The following NHLRC2 variants were observed in gnomAD, a reference collection of about 807,000 sequenced individuals.
NHLRC2 encodes NHL repeat-containing protein 2.
Under a neutral mutation model 68.1 loss-of-function variants are expected in NHLRC2, and 33 were observed. The observed-to-expected ratio is 0.48, with a 90% CI of 0.37 to 0.65. NHLRC2 has a LOEUF of 0.65. Ranked by LOEUF, NHLRC2 falls within the 30% of genes least tolerant of loss-of-function variation. The probability of loss-of-function intolerance (pLI) is 0.00; values close to 1 mark genes in which losing one functional copy is unlikely to be tolerated. For synonymous variants in NHLRC2, 311 were observed against 309.6 expected (o/e 1.00, Z -0.05); for missense variants, 761 against 853.8 (o/e 0.89, Z 1.35).
chr10:113,893,223 C>T (rs559322012), intron 5 of NHLRC2, among the ~76,000 whole-genome samples: 16 of 152,178 alleles, frequency 1.1e-4, no homozygotes, highest in Non-Finnish European at 2.2e-4. Flanking sequence ...GACAGAAATG[C>T]ACTTGAGTAC....
At chr10:113,873,018 A>T (rs1038227809) in intron 2 of NHLRC2, among the ~76,000 whole-genome samples, 3 of 152,214 alleles carry the variant, frequency 2.0e-5, no homozygotes, top group African/African-American at 7.2e-5. Flanking sequence ...TAAAATTATT[A>T]TACTTTAAAC....
chr10:113,896,279 A>G (rs544647105), intron 5 of NHLRC2, among the ~76,000 whole-genome samples: 4 of 152,222 alleles, frequency 2.6e-5, no homozygotes, highest in South Asian at 2.1e-4. Context: ...ATGTCCAACA[A>G]TGATAGACTG....
chr10:113,886,401 A>G (rs1343770209), intron 5 of NHLRC2, among the ~76,000 whole-genome samples: 1 of 152,178 alleles, frequency 6.6e-6, no homozygotes, highest in Non-Finnish European at 1.5e-5. Flanking sequence ...TAAAATGTGT[A>G]TGGAACTAGA....
chr10:113,880,674 G>A, intron 4 of NHLRC2, among the ~76,000 whole-genome samples: 1 of 151,744 alleles, frequency 6.6e-6, no homozygotes, highest in African/African-American at 2.4e-5. Context: ...AATATCCACT[G>A]TACTGTAAGT....
chr10:113,857,535 C>T lies in NHLRC2; in HGVS notation c.179-993C>T, dbSNP rs966419774. 3.9e-5 allele frequency among the ~76,000 whole-genome samples: 6 copies of T among 152,132 alleles called. No homozygotes were observed. In the South Asian group the frequency reaches 8.3e-4, roughly 21 times the overall value. ...TAGCTGTTACTGTTTACTTCTTCCTCCCAAGTTTGGCTTTCAGTTGCTAAA... is the reference window on the plus strand; with the variant it reads ...TAGCTGTTACTGTTTACTTCTTCCTTCCAAGTTTGGCTTTCAGTTGCTAAA... On this transcript the variant is annotated intron_variant, in intron 1 of 10. Transcript: ENST00000369301.
intron 10 of NHLRC2, 68 bp from the exon 11 acceptor site, chr10:113,908,212 C>A: frequency 8.2e-7 from 1 of 1,219,736 alleles, no homozygotes; most frequent in Non-Finnish European, 1.2e-6. Context: ...TTTATCTAGT[C>A]TTCATAAGAT....
intron 2 of NHLRC2, among the ~76,000 whole-genome samples, chr10:113,859,866 A>G (rs563061885): frequency 2.0e-5 from 3 of 152,352 alleles, no homozygotes; most frequent in East Asian, 1.9e-4. Context: ...GAAGGAGACA[A>G]TTGAGCTAGA....
At chr10:113,857,744 T>C (rs1442853730) in intron 1 of NHLRC2, among the ~76,000 whole-genome samples, 1 of 152,154 alleles carries the variant, frequency 6.6e-6, no homozygotes, top group Non-Finnish European at 1.5e-5. Context: ...GGGAACACGT[T>C]CTTCATTAAT....
At chr10:113,894,404 A>G (rs918750694) in intron 5 of NHLRC2, among the ~76,000 whole-genome samples, 12 of 152,082 alleles carry the variant, frequency 7.9e-5, no homozygotes, top group African/African-American at 2.7e-4. Context: ...TTTCTTGTAT[A>G]TTTGCTGCTG....
chr10:113,866,166 A>G (rs2134694292), intron 2 of NHLRC2, among the ~76,000 whole-genome samples: 1 of 152,384 alleles, frequency 6.6e-6, no homozygotes, highest in Middle Eastern at 3.4e-3. Flanking sequence ...TGCCACTTTC[A>G]CAGTCGCAAA....
At chr10:113,901,928 C>A (rs7923423) in intron 7 of NHLRC2, 31 bp downstream of exon 7, 2 of 1,401,398 alleles carry the variant, frequency 1.4e-6, no homozygotes, top group South Asian at 1.2e-5. Flanking sequence ...ACAGTGCGCT[C>A]GGACACTGAG....
At chr10:113,857,865 C>T (rs556008870) in intron 1 of NHLRC2, among the ~76,000 whole-genome samples, 178 of 152,180 alleles carry the variant, frequency 1.2e-3, no homozygotes, top group Non-Finnish European at 2.1e-3. Flanking sequence ...CAGAATATTT[C>T]AGTTTCTTCT....
chr10:113,900,668 A>G (rs1846219723), intron 6 of NHLRC2, among the ~76,000 whole-genome samples: 1 of 152,196 alleles, frequency 6.6e-6, no homozygotes, highest in Non-Finnish European at 1.5e-5. Context: ...ACTCCTTTCA[A>G]TTAATTTGTT....
At chr10:113,863,395 A>C (rs1164906140) in intron 2 of NHLRC2, among the ~76,000 whole-genome samples, 3 of 152,218 alleles carry the variant, frequency 2.0e-5, no homozygotes, top group East Asian at 3.8e-4. Flanking sequence ...ACACATAGGT[A>C]ATTATTAGAA....
chr10:113,865,290 C>T (rs537050313), intron 2 of NHLRC2, among the ~76,000 whole-genome samples: 2 of 142,146 alleles, frequency 1.4e-5, no homozygotes, highest in African/African-American at 2.6e-5. Flanking sequence ...ATCCCCCCCC[C>T]CCGTTCCTCT....
chr10:113,897,656 G>C (rs1324286443), intron 5 of NHLRC2, among the ~76,000 whole-genome samples: 5 of 152,096 alleles, frequency 3.3e-5, no homozygotes, highest in Non-Finnish European at 1.5e-5. Flanking sequence ...GAAACATTGT[G>C]GTATGCTAAA....
chr10:113,908,219 A>G, intron 10 of NHLRC2, 61 bp from the exon 11 acceptor site: 2 of 1,293,562 alleles, frequency 1.5e-6, no homozygotes, highest in Non-Finnish European at 2.2e-6. Flanking sequence ...AGTCTTCATA[A>G]GATGTTCCCA....
intron 4 of NHLRC2, among the ~76,000 whole-genome samples, chr10:113,880,049 C>T (rs772018696): frequency 2.0e-5 from 3 of 151,976 alleles, no homozygotes; most frequent in African/African-American, 4.8e-5. Flanking sequence ...AAAATCCTAC[C>T]ATTCCTGCTT....
chr10:113,884,139 G>A (rs1212223266), intron 4 of NHLRC2, 112 bp from the exon 5 acceptor site: 5 of 849,676 alleles, frequency 5.9e-6, no homozygotes, highest in Non-Finnish European at 8.9e-6. Context: ...ATAAAACTTT[G>A]TACTGCACAT....
Sources: allele counts gnomAD v4.1 joint callset (sites outside exome capture counted in the v4.1 genomes callset), GRCh38; gene constraint gnomAD v4.1.1; transcripts MANE v1.5; gene names NCBI Gene and HGNC (gene_info 2026-07-23, HGNC 2026-07-21).